KAZN: variants seen among roughly 807,000 people sequenced by gnomAD.
KAZN encodes the protein kazrin.
Under a neutral mutation model 87.4 loss-of-function variants are expected in KAZN, and 40 were observed. The observed-to-expected ratio is 0.46, with a 90% CI of 0.36 to 0.60. The LOEUF is 0.60. Among genes scored for constraint, KAZN ranks in the 20% least tolerant of loss-of-function variants. The pLI, the probability that KAZN is intolerant of heterozygous loss-of-function variation, is 0.00. For missense variants in KAZN, 898 were observed against 1,073.9 expected, an observed-to-expected ratio of 0.84 and a Z score of 2.29; for synonymous variants, 466 against 458.3, an observed-to-expected ratio of 1.02 and a Z score of -0.22.
At chr1:14,507,503 C>T (rs1030721749) in intron 2 of KAZN, among the ~76,000 whole-genome samples, 1 of 152,166 alleles carries the variant, frequency 6.6e-6, no homozygotes, top group East Asian at 1.9e-4. Context: ...TTCCAGGAAT[C>T]AAGTGCTAAA....
chr1:14,753,660 CA>C (rs1644474573), intron 1 of KAZN, among the ~76,000 whole-genome samples: 4 of 152,102 alleles, frequency 2.6e-5, no homozygotes, highest in Admixed American at 2.0e-4. Flanking sequence ...TGAATGGAAA[CA>C]AACTTAGTTT....
intron 1 of KAZN, among the ~76,000 whole-genome samples, chr1:14,155,428 C>G (rs759645468): frequency 6.6e-6 from 1 of 150,976 alleles, no homozygotes; most frequent in African/African-American, 2.4e-5. Flanking sequence ...TCTTTTTTTT[C>G]TTAGTCTTGC....
intron 1 of KAZN, among the ~76,000 whole-genome samples, chr1:14,943,050 G>A (rs1246252538): frequency 8.7e-6 from 1 of 114,546 alleles, no homozygotes; most frequent in African/African-American, 4.3e-5. Context: ...GTGTGTGTGT[G>A]TTGGGGAGGA....
At chr1:14,120,716 A>T (rs1162972050) in intron 1 of KAZN, among the ~76,000 whole-genome samples, 1 of 152,174 alleles carries the variant, frequency 6.6e-6, no homozygotes, top group Admixed American at 6.5e-5. Context: ...GACAGTGGAC[A>T]TGTGCTATCT....
intron 1 of KAZN, among the ~76,000 whole-genome samples, chr1:13,898,006 C>G (rs545013353): frequency 4.6e-5 from 7 of 152,328 alleles, no homozygotes; most frequent in Admixed American, 4.6e-4. Context: ...CAGGCATGAC[C>G]AATGGAGGCT....
intron 10 of KAZN, among the ~76,000 whole-genome samples, chr1:15,098,438 T>TA (rs1283231347): frequency 6.6e-6 from 1 of 152,212 alleles, no homozygotes; most frequent in Non-Finnish European, 1.5e-5. Flanking sequence ...AGATGGAGAT[T>TA]GCTGATTATG....
intron 1 of KAZN, among the ~76,000 whole-genome samples, chr1:14,704,254 CA>C: frequency 2.0e-5 from 3 of 152,288 alleles, no homozygotes; most frequent in Middle Eastern, 3.4e-3. Context: ...TTTTGTTACC[CA>C]ACCATAAGGA....
Position 14,474,722 on chromosome 1 carries a change from G to T in KAZN, c.250-124261G>T, listed in dbSNP as rs1009839177. On this transcript the variant is annotated intron_variant, in intron 2 of 16. Transcript: ENST00000636203. ...ATGAAAATGGACTCTAGAATAGAAA[G>T]CATGGAAGTAGGAATACCAGATAGG... Among the ~76,000 whole-genome samples, 5 of 152,176 alleles carry T rather than the reference G, an allele frequency of 3.3e-5. No individual in the cohort carries two copies. The East Asian group carries it at 9.6e-4, about 29-fold the overall frequency.
At chr1:14,116,889 T>A (rs1282107445) in intron 1 of KAZN, among the ~76,000 whole-genome samples, 1 of 152,178 alleles carries the variant, frequency 6.6e-6, no homozygotes, top group East Asian at 1.9e-4. Context: ...TCAAAGGAGA[T>A]CATTTTGGAA....
intron 2 of KAZN, among the ~76,000 whole-genome samples, chr1:14,471,433 GA>G (rs1234006681): frequency 6.6e-6 from 1 of 152,192 alleles, no homozygotes; most frequent in African/African-American, 2.4e-5. Context: ...CTGAAGGGCT[GA>G]AGCTACAGCG....
At chr1:14,510,163 G>A (rs531637272) in intron 2 of KAZN, among the ~76,000 whole-genome samples, 1 of 152,286 alleles carries the variant, frequency 6.6e-6, no homozygotes, top group South Asian at 2.1e-4. Flanking sequence ...TGGATCACCT[G>A]AGGTTGGGAG....
At chr1:14,152,136 G>A (rs554915372) in intron 1 of KAZN, among the ~76,000 whole-genome samples, 37 of 152,146 alleles carry the variant, frequency 2.4e-4, no homozygotes, top group Non-Finnish European at 4.4e-4. Flanking sequence ...GGTAAATGGG[G>A]CATCCATCAT....
At chr1:14,918,986 T>C (rs1016605740) in intron 1 of KAZN, among the ~76,000 whole-genome samples, 40 of 152,084 alleles carry the variant, frequency 2.6e-4, no homozygotes, top group African/African-American at 8.9e-4. Flanking sequence ...TGATTTGTTA[T>C]GCAGCAATAG....
chr1:14,648,864 CTT>C (rs1332197800), intron 1 of KAZN, among the ~76,000 whole-genome samples: 2 of 152,222 alleles, frequency 1.3e-5, no homozygotes, highest in African/African-American at 4.8e-5. Flanking sequence ...TCACTGGAGT[CTT>C]TGGGGCATGA....
At chr1:14,509,788 G>A (rs566854960) in intron 2 of KAZN, among the ~76,000 whole-genome samples, 6 of 152,252 alleles carry the variant, frequency 3.9e-5, no homozygotes, top group Non-Finnish European at 7.3e-5. Flanking sequence ...ACAAAACAGA[G>A]TGATGCGGTA....
intron 1 of KAZN, among the ~76,000 whole-genome samples, chr1:14,801,715 G>A (rs545541739): frequency 3.1e-4 from 46 of 149,858 alleles, no homozygotes; most frequent in African/African-American, 8.6e-4. Flanking sequence ...GTGGAGTCTC[G>A]CTTTGTTGCC....
intron 2 of KAZN, among the ~76,000 whole-genome samples, chr1:14,962,694 G>A (rs944964668): frequency 4.6e-5 from 7 of 152,134 alleles, no homozygotes; most frequent in Non-Finnish European, 8.8e-5. Context: ...GCCAGATGCT[G>A]TTCAATCACC....
intron 1 of KAZN, among the ~76,000 whole-genome samples, chr1:14,061,285 G>A (rs151082763): frequency 1.3e-5 from 2 of 152,240 alleles, no homozygotes; most frequent in Non-Finnish European, 2.9e-5. Context: ...TGGGGAGGGA[G>A]GTGTTGAGGA....
chr1:14,045,554 A>G (rs12068070), intron 1 of KAZN, among the ~76,000 whole-genome samples: 35,911 of 151,572 alleles, frequency 0.24, 4,668 homozygotes, highest in African/African-American at 0.32. Context: ...ATTATTATCA[A>G]TGATAACTGA....
Sources: gnomAD v4.1 joint callset for allele counts (sites outside exome capture counted in the v4.1 genomes callset) on GRCh38, gnomAD v4.1.1 for gene constraint, MANE v1.5 for transcripts, NCBI Gene and HGNC (gene_info 2026-07-23, HGNC 2026-07-21) for gene names.